The following GALNT16 variants were observed in gnomAD, a reference collection of about 807,000 sequenced individuals.
GALNT16 encodes the protein UDP-GalNAc:polypeptide N-acetylgalactosaminyltransferase-like protein 1.
In GALNT16, 40 loss-of-function variants were observed where a neutral mutation model predicts 76.1. The observed-to-expected ratio is 0.53, with a 90% CI of 0.41 to 0.68. The LOEUF is 0.68. GALNT16 is among the 30% of genes least tolerant of loss of function. GALNT16 has a pLI of 0.00. For missense variants in GALNT16, 621 were observed against 731.9 expected, an observed-to-expected ratio of 0.85 and a Z score of 1.75; for synonymous variants, 276 against 285.2, an observed-to-expected ratio of 0.97 and a Z score of 0.32.
chr14:69,331,593 AG>A (rs2045353905), intron 7 of GALNT16, 42 bp downstream of exon 7: 1 of 1,145,518 alleles, frequency 8.7e-7, no homozygotes, highest in Non-Finnish European at 1.3e-6. Flanking sequence ...ACATGAAAGG[AG>A]GTAGGTGAGG....
chr14:69,281,637 G>A (rs1282026582), intron 1 of GALNT16, among the ~76,000 whole-genome samples: 1 of 152,130 alleles, frequency 6.6e-6, no homozygotes, highest in Non-Finnish European at 1.5e-5. Flanking sequence ...GTGTAGTCAT[G>A]ACACCAGCTG....
chr14:69,371,102 C>G, the GALNT16 span, among the ~76,000 whole-genome samples: 1 of 152,186 alleles, frequency 6.6e-6, no homozygotes, highest in South Asian at 2.1e-4. Context: ...ATTAGAGAAT[C>G]AAGAAGTGCC....
At chr14:69,378,202 G>A in the GALNT16 span, among the ~76,000 whole-genome samples, 2 of 152,344 alleles carry the variant, frequency 1.3e-5, no homozygotes, top group African/African-American at 4.8e-5. Flanking sequence ...AAGTGAGATC[G>A]TTGAACTCTT....
intron 1 of GALNT16, among the ~76,000 whole-genome samples, chr14:69,318,782 TC>T (rs1426546669): frequency 6.6e-6 from 1 of 152,234 alleles, no homozygotes; most frequent in African/African-American, 2.4e-5. Context: ...TAATTTTAGC[TC>T]CTTTGCCATC....
At chr14:69,291,364 G>T (rs992641044) in intron 1 of GALNT16, among the ~76,000 whole-genome samples, 1 of 152,110 alleles carries the variant, frequency 6.6e-6, no homozygotes, top group African/African-American at 2.4e-5. Context: ...TATCTAATAA[G>T]CCCCCCTCCC....
chr14:69,333,157 C>A lies in GALNT16; in HGVS notation c.851C>A (p.Thr284Asn). Residue 284 changes from threonine to asparagine, a missense_variant, in exon 8 of 15, where the codon ACC becomes AAC. Coordinates refer to ENST00000448469, the MANE Select transcript of GALNT16 (RefSeq NM_001168368.2). This position sits in a 1 kb window ranked among gnomAD's most constrained non-coding sequence, Gnocchi z 4.2. Reference protein sequence around the residue: ...LEQKMTRTDPTRPIRTPVIAG... With the variant: ...LEQKMTRTDPNRPIRTPVIAG... ...CAGAAGATGACCCGGACAGACCCCA[C>A]CAGGCCCATAAGGTCAGAGCTGCGG... 4 of 1,610,632 alleles carry A rather than the reference C, an allele frequency of 2.5e-6. No homozygotes were observed. The highest frequency in any genetic ancestry group is 1.1e-5 in the South Asian group (1 of 90,806).
At chr14:69,328,238 G>T (rs1240762465) in intron 5 of GALNT16, among the ~76,000 whole-genome samples, 2 of 152,108 alleles carry the variant, frequency 1.3e-5, no homozygotes, top group Non-Finnish European at 2.9e-5. Context: ...GGGCACTCGG[G>T]GTGTGACCCT....
chr14:69,285,127 G>A (rs560215512), intron 1 of GALNT16, among the ~76,000 whole-genome samples: 1 of 143,552 alleles, frequency 7.0e-6, no homozygotes, highest in South Asian at 2.3e-4. Context: ...TGCAAGCTCC[G>A]CCTCCCGGGT....
intron 1 of GALNT16, among the ~76,000 whole-genome samples, chr14:69,295,604 C>A (rs2044749285): frequency 6.6e-6 from 1 of 152,020 alleles, no homozygotes. Flanking sequence ...CCTGCAGTCC[C>A]AGCTACATGA....
intron 1 of GALNT16, among the ~76,000 whole-genome samples, chr14:69,284,594 C>G (rs1358450609): frequency 6.6e-6 from 1 of 152,220 alleles, no homozygotes; most frequent in Non-Finnish European, 1.5e-5. Context: ...CAGCAAAATG[C>G]TGTGACTTGC....
intron 1 of GALNT16, among the ~76,000 whole-genome samples, chr14:69,316,798 A>C (rs2045109244): frequency 6.7e-6 from 1 of 149,090 alleles, no homozygotes; most frequent in Non-Finnish European, 1.5e-5. Flanking sequence ...ACTGAAGGTC[A>C]CGTGATGTAT....
rs1172293124 is a variant in GALNT16, at chr14:69,322,924, G to GA, written c.336-1768_336-1767insA. 5.7e-5 allele frequency among the ~76,000 whole-genome samples: 6 copies of GA among 104,634 alleles called. 1 individual carries two copies. Among genetic ancestry groups the GA allele is most frequent in the Admixed American group, 4.6e-4 (4 of 8,784 alleles). The allele number at this position is 104,634 out of a possible 152,430, so 68.6% of individuals were successfully genotyped here. A position where few individuals can be genotyped will look rare whatever the true frequency, so the allele number is the denominator to read the frequency against. On this transcript the variant is annotated intron_variant, in intron 2 of 14. Transcript: ENST00000448469. ...AAAAAGAAAGCTGAGGTGGCTCACGGGGTGTGTGTGTGTGTGTGTGTGTGT... is the reference window on the plus strand; with the variant it reads ...AAAAAGAAAGCTGAGGTGGCTCACGGAGGTGTGTGTGTGTGTGTGTGTGTGT...
chr14:69,270,774 G>A (rs192734159), intron 1 of GALNT16, among the ~76,000 whole-genome samples: 114 of 152,306 alleles, frequency 7.5e-4, no homozygotes, highest in Middle Eastern at 3.4e-3. Context: ...AGGGAGATGC[G>A]GGGCATGTGG....
chr14:69,355,014 G>A (rs906788856), downstream of GALNT16: 8 of 152,218 alleles, frequency 5.3e-5, no homozygotes, highest in Admixed American at 1.3e-4. Flanking sequence ...GCTTGATTGG[G>A]TAGCAGATGC....
intron 1 of GALNT16, among the ~76,000 whole-genome samples, chr14:69,265,283 A>G (rs2044328761): frequency 6.6e-6 from 1 of 152,186 alleles, no homozygotes; most frequent in Admixed American, 6.5e-5. Context: ...CCAGAGGTCC[A>G]AGGGCACGGG....
chr14:69,351,994 T>C, intron 14 of GALNT16, 37 bp from the exon 15 acceptor site: 1 of 1,564,248 alleles, frequency 6.4e-7, no homozygotes. Context: ...ATCATTGTTT[T>C]CTCCTTCCTC....
intron 9 of GALNT16, 104 bp from the exon 10 acceptor site, chr14:69,338,547 C>A: frequency 1.3e-6 from 2 of 1,512,414 alleles, no homozygotes; most frequent in Non-Finnish European, 1.8e-6. Context: ...CCGACCCCAA[C>A]ATGTACCTCC....
Position 69,261,560 on chromosome 14 carries a change from C to G in GALNT16, c.177+1093C>G, listed in dbSNP as rs2044273182. Reference sequence around the variant, plus strand: ...AAGGAGTGAGGAAGCGTGGCGATTCCGACAAGGAAAGATCTGGGCCTGGGG... The same window carrying G: ...AAGGAGTGAGGAAGCGTGGCGATTCGGACAAGGAAAGATCTGGGCCTGGGG... On this transcript the variant is annotated intron_variant, in intron 1 of 14. Transcript: ENST00000448469. This position sits in a 1 kb window ranked among gnomAD's most constrained non-coding sequence, Gnocchi z 6.4. Among the ~76,000 whole-genome samples the G allele has an allele frequency of 6.8e-6, 1 of 146,910 alleles. No individual in the cohort carries two copies. The highest frequency in any genetic ancestry group is 1.5e-5 in the Non-Finnish European group (1 of 67,088).
chr14:69,313,299 C>T (rs2045053916), intron 1 of GALNT16, among the ~76,000 whole-genome samples: 1 of 152,246 alleles, frequency 6.6e-6, no homozygotes, highest in Non-Finnish European at 1.5e-5. Context: ...AGCCGAGCAT[C>T]ACATATCTCT....
Sources: gnomAD v4.1 joint callset for allele counts (sites outside exome capture counted in the v4.1 genomes callset) on GRCh38, gnomAD v4.1.1 for gene constraint, Gnocchi (gnomAD v3.1) non-coding constraint, MANE v1.5 for transcripts, NCBI Gene and HGNC (gene_info 2026-07-23, HGNC 2026-07-21) for gene names.